CNBD1: variants seen among roughly 807,000 people sequenced by gnomAD.
CNBD1 encodes the protein cyclic nucleotide binding domain containing 1.
In CNBD1, 71 loss-of-function variants were observed where a neutral mutation model predicts 54.4. The observed-to-expected ratio is 1.30, with a 90% confidence interval of 1.08 to 1.59. The LOEUF is 1.59. Ranked by LOEUF, CNBD1 falls within the 40% of genes most tolerant of loss-of-function variation. CNBD1 has a pLI of 0.00. For synonymous variants in CNBD1, 182 were observed against 170.7 expected, an observed-to-expected ratio of 1.07 and a Z score of -0.51; for missense variants, 659 against 518.0, an observed-to-expected ratio of 1.27 and a Z score of -2.64.
chr8:87,428,135 C>A (rs1033355), intron 2 of CNBD1, among the ~76,000 whole-genome samples: 24,480 of 73,754 alleles, frequency 0.33, 2,859 homozygotes, highest in African/African-American at 0.54. Flanking sequence ...CTCCCCCAAC[C>A]AAAAAAAAGG....
intron 8 of CNBD1, among the ~76,000 whole-genome samples, chr8:87,332,787 G>T (rs1484581257): frequency 6.6e-6 from 1 of 151,952 alleles, no homozygotes; most frequent in Non-Finnish European, 1.5e-5. Flanking sequence ...GTAGACTTGT[G>T]GCATAGTTTG....
chr8:87,249,763 T>C (rs1807876474), intron 6 of CNBD1, among the ~76,000 whole-genome samples: 1 of 152,120 alleles, frequency 6.6e-6, no homozygotes, highest in Non-Finnish European at 1.5e-5. Context: ...GATGCAAAAT[T>C]CTCAGGAGTT....
intron 8 of CNBD1, among the ~76,000 whole-genome samples, chr8:87,348,991 T>C (rs1276659724): frequency 6.6e-6 from 1 of 152,198 alleles, no homozygotes; most frequent in Non-Finnish European, 1.5e-5. Context: ...TTTCAGGTCT[T>C]CCGAGTCTGA....
intron 6 of CNBD1, among the ~76,000 whole-genome samples, chr8:87,259,555 G>T (rs1402597196): frequency 6.6e-6 from 1 of 152,054 alleles, no homozygotes; most frequent in African/African-American, 2.4e-5. Flanking sequence ...CAAAATATTT[G>T]ATTTAAGTGC....
intron 8 of CNBD1, among the ~76,000 whole-genome samples, chr8:87,320,429 A>T (rs189053413): frequency 3.9e-4 from 60 of 152,216 alleles, no homozygotes; most frequent in African/African-American, 1.3e-3. Context: ...TACTGAGACT[A>T]TCTTCAATGG....
chr8:87,342,220 C>A (rs1245308271), intron 8 of CNBD1, among the ~76,000 whole-genome samples: 1 of 151,522 alleles, frequency 6.6e-6, no homozygotes, highest in East Asian at 1.9e-4. Flanking sequence ...TTGCAGTGAG[C>A]TGAGATTGTG....
At chr8:87,346,742 A>G (rs930592844) in intron 8 of CNBD1, among the ~76,000 whole-genome samples, 1 of 152,208 alleles carries the variant, frequency 6.6e-6, no homozygotes, top group Non-Finnish European at 1.5e-5. Context: ...ATCTTATTAT[A>G]TAGAGAGATT....
chr8:86,885,340 G>T (rs1237028110), intron 1 of CNBD1, among the ~76,000 whole-genome samples: 1 of 151,890 alleles, frequency 6.6e-6, no homozygotes, highest in African/African-American at 2.4e-5. Context: ...AAAGATAATC[G>T]GTTTTTTAAT....
At chr8:86,932,868 G>C (rs1228791123) in intron 3 of CNBD1, among the ~76,000 whole-genome samples, 1 of 152,004 alleles carries the variant, frequency 6.6e-6, no homozygotes, top group Non-Finnish European at 1.5e-5. Context: ...ACCTGCAATG[G>C]TCCCTGGACC....
At chr8:87,399,753 T>C (rs900625019) in intron 2 of CNBD1, among the ~76,000 whole-genome samples, 1 of 151,948 alleles carries the variant, frequency 6.6e-6, no homozygotes, top group African/African-American at 2.4e-5. Flanking sequence ...TGGAGCAGCT[T>C]AGGTGCTGGT....
chr8:86,959,070 T>G (rs544992241), intron 4 of CNBD1, among the ~76,000 whole-genome samples: 1 of 152,290 alleles, frequency 6.6e-6, no homozygotes, highest in Admixed American at 6.5e-5. Context: ...TCTGCATTTG[T>G]TTGTCTCTAA....
intron 4 of CNBD1, among the ~76,000 whole-genome samples, chr8:87,054,179 T>C (rs959148736): frequency 1.6e-4 from 24 of 152,126 alleles, no homozygotes; most frequent in African/African-American, 5.8e-4. Context: ...CAGGGAAAAA[T>C]CCCATCTGAC....
At chr8:87,336,708 A>G (rs1005418184) in intron 8 of CNBD1, among the ~76,000 whole-genome samples, 2 of 152,000 alleles carry the variant, frequency 1.3e-5, no homozygotes, top group Admixed American at 6.6e-5. Context: ...CAATTCTTCC[A>G]TCTTATCCCC....
intron 2 of CNBD1, among the ~76,000 whole-genome samples, chr8:86,894,506 C>T (rs571675421): frequency 6.6e-6 from 1 of 152,132 alleles, no homozygotes; most frequent in Non-Finnish European, 1.5e-5. Context: ...AATTTTTAGC[C>T]GATGTTGTTA....
intron 4 of CNBD1, among the ~76,000 whole-genome samples, chr8:87,089,204 A>C (rs1811158767): frequency 6.6e-6 from 1 of 152,160 alleles, no homozygotes; most frequent in Non-Finnish European, 1.5e-5. Context: ...AAAAAGGGTA[A>C]TTTGACTAGG....
intron 6 of CNBD1, among the ~76,000 whole-genome samples, chr8:87,266,468 T>TTTTTTTA (rs1808261890): frequency 9.6e-6 from 1 of 104,462 alleles, no homozygotes; most frequent in Non-Finnish European, 1.9e-5. Flanking sequence ...TTTTTTTTTT[T>TTTTTTTA]GAGACAGAGT....
chr8:87,188,527 C>T (rs534290604), intron 4 of CNBD1, among the ~76,000 whole-genome samples: 64 of 151,830 alleles, frequency 4.2e-4, no homozygotes, highest in African/African-American at 1.4e-3. Context: ...GTCACGAGTT[C>T]GAGACCAGCC....
chr8:87,318,029 G>GT (rs1408198234), intron 8 of CNBD1, among the ~76,000 whole-genome samples: 1 of 151,576 alleles, frequency 6.6e-6, no homozygotes, highest in Non-Finnish European at 1.5e-5. Flanking sequence ...AGACATTTTA[G>GT]TTTCCATCTC....
At chr8:87,319,710 C>T (rs1241626306) in intron 8 of CNBD1, among the ~76,000 whole-genome samples, 2 of 151,874 alleles carry the variant, frequency 1.3e-5, no homozygotes, top group Non-Finnish European at 2.9e-5. Flanking sequence ...TCCTCTTTAA[C>T]ATATATTGAT....
Sources: allele counts gnomAD v4.1 joint callset (sites outside exome capture counted in the v4.1 genomes callset), GRCh38; gene constraint gnomAD v4.1.1; transcripts MANE v1.5; gene names NCBI Gene and HGNC (gene_info 2026-07-23, HGNC 2026-07-21).